The following DIP2C variants were observed in gnomAD, a reference collection of about 807,000 sequenced individuals.
DIP2C encodes the protein disco-interacting protein 2 homolog C.
DIP2C carries 33 observed loss-of-function variants against 192.4 expected under a neutral mutation model. The observed-to-expected ratio is 0.17, with a 90% CI of 0.13 to 0.23. The LOEUF (loss-of-function observed/expected upper bound fraction) is 0.23, where lower values mean the gene tolerates loss of function less well. DIP2C is among the 10% of genes least tolerant of loss of function. The probability of loss-of-function intolerance (pLI) is 1.00; values close to 1 mark genes in which losing one functional copy is unlikely to be tolerated. For synonymous variants in DIP2C, 979 were observed against 864.1 expected (o/e 1.13, Z -2.33); for missense variants, 1,537 against 2,110.1 (o/e 0.73, Z 5.32).
At chr10:497,038 G>A (rs1844885154) in intron 1 of DIP2C, among the ~76,000 whole-genome samples, 1 of 152,132 alleles carries the variant, frequency 6.6e-6, no homozygotes, top group Non-Finnish European at 1.5e-5. Flanking sequence ...GCAGAAGAAT[G>A]GCATGAACCC....
At chr10:401,446 G>T (rs180801528) in intron 9 of DIP2C, among the ~76,000 whole-genome samples, 30 of 117,564 alleles carry the variant, frequency 2.6e-4, no homozygotes, top group Non-Finnish European at 5.3e-5. Context: ...TAGCATTAGC[G>T]TTACTATTCC....
rs572227801 is a variant in DIP2C, at chr10:419,990, G to A, written c.605-791C>T. 6.5e-4 allele frequency among the ~76,000 whole-genome samples: 99 copies of A among 152,256 alleles called. 1 individual carries two copies. The highest frequency in any genetic ancestry group is 3.4e-3 in the Middle Eastern group (1 of 294). ...ATGTGCCAAGCAGCCCACTGATGAC[G>A]CCCGTCACACCCAGAATCTTGATGA... On this transcript the variant is annotated intron_variant, in intron 5 of 36. Transcript: ENST00000280886.
At chr10:578,045 CTTAGA>C (rs960406413) in intron 1 of DIP2C, among the ~76,000 whole-genome samples, 3 of 152,154 alleles carry the variant, frequency 2.0e-5, no homozygotes, top group African/African-American at 7.2e-5. Context: ...TAACTACAAT[CTTAGA>C]TTTGAGATTA....
chr10:523,072 C>T (rs1351081229), intron 1 of DIP2C, among the ~76,000 whole-genome samples: 4 of 152,132 alleles, frequency 2.6e-5, no homozygotes, highest in Non-Finnish European at 1.5e-5. Context: ...CCCACGCGCT[C>T]ATTTCCACCT....
At chr10:323,315 G>A (rs1280395544) in intron 31 of DIP2C, among the ~76,000 whole-genome samples, 15 of 112,104 alleles carry the variant, frequency 1.3e-4, no homozygotes, top group African/African-American at 3.9e-4. Flanking sequence ...GCGAGAGACC[G>A]GCGCTGTTAG....
intron 2 of DIP2C, among the ~76,000 whole-genome samples, chr10:475,273 A>G (rs142312540): frequency 6.6e-6 from 1 of 152,252 alleles, no homozygotes; most frequent in Non-Finnish European, 1.5e-5. Context: ...GGCTTTCTCC[A>G]TTTTGCTAAA....
intron 1 of DIP2C, among the ~76,000 whole-genome samples, chr10:505,234 A>C (rs564137979): frequency 1.3e-5 from 2 of 152,206 alleles, no homozygotes. Context: ...TCATCAACAC[A>C]GAGTCACTAA....
chr10:621,864 C>A (rs906341685), intron 1 of DIP2C, among the ~76,000 whole-genome samples: 1 of 152,100 alleles, frequency 6.6e-6, no homozygotes, highest in Non-Finnish European at 1.5e-5. Flanking sequence ...GGATGTCATT[C>A]GCTGATAAAC....
Position 536,487 on chromosome 10 carries a change from G to A in DIP2C, c.86-49957C>T, listed in dbSNP as rs191319811. Among the ~76,000 whole-genome samples, 276 of 152,292 alleles carry A rather than the reference G, an allele frequency of 1.8e-3. 2 individuals carry two copies. The highest frequency in any genetic ancestry group is 3.1e-3 in the Non-Finnish European group (210 of 68,006). On this transcript the variant is annotated intron_variant, in intron 1 of 36. Transcript: ENST00000280886. ...TCTGCAAAGACCCTGTTCCCCATAG[G>A]GACATCACAGTCCCAGGGGGGCCAG...
At chr10:629,110 A>G (rs1395732364) in intron 1 of DIP2C, among the ~76,000 whole-genome samples, 1 of 152,220 alleles carries the variant, frequency 6.6e-6, no homozygotes, top group East Asian at 1.9e-4. Flanking sequence ...TGGGTCTAAG[A>G]AAAAGAAAAT....
At chr10:633,340 C>T (rs943311803) in intron 1 of DIP2C, among the ~76,000 whole-genome samples, 25 of 152,214 alleles carry the variant, frequency 1.6e-4, no homozygotes, top group Non-Finnish European at 4.4e-5. Context: ...AGGGCAACAG[C>T]GTTCACATTC....
chr10:524,844 C>G (rs11252981), intron 1 of DIP2C, among the ~76,000 whole-genome samples: 5,224 of 151,890 alleles, frequency 0.034, 140 homozygotes, highest in Non-Finnish European at 0.051. Context: ...AGGACTTTCG[C>G]TATTTTAAAG....
chr10:553,609 T>A (rs1372328864), intron 1 of DIP2C, among the ~76,000 whole-genome samples: 1 of 152,250 alleles, frequency 6.6e-6, no homozygotes, highest in Admixed American at 6.5e-5. Flanking sequence ...CATTGAATAC[T>A]GTGGAATTAG....
chr10:547,798 C>T (rs1057126565), intron 1 of DIP2C, among the ~76,000 whole-genome samples: 1 of 152,142 alleles, frequency 6.6e-6, no homozygotes, highest in East Asian at 1.9e-4. Context: ...CCCCTCTCTG[C>T]AGGGGGATTT....
intron 1 of DIP2C, among the ~76,000 whole-genome samples, chr10:581,002 TCA>T (rs1458747385): frequency 7.2e-5 from 11 of 152,230 alleles, no homozygotes; most frequent in African/African-American, 2.7e-4. Flanking sequence ...ACAATTTGAC[TCA>T]CAGTATTCTG....
At chr10:596,493 T>A in intron 1 of DIP2C, among the ~76,000 whole-genome samples, 2 of 47,984 alleles carry the variant, frequency 4.2e-5, no homozygotes, top group South Asian at 1.2e-3. Context: ...CGAAACTCCA[T>A]CTCAAAAAAA....
At chr10:621,317 A>G (rs1853832589) in intron 1 of DIP2C, among the ~76,000 whole-genome samples, 1 of 150,384 alleles carries the variant, frequency 6.6e-6, no homozygotes, top group Non-Finnish European at 1.5e-5. Flanking sequence ...ACACCCACAC[A>G]CACCCCCAAG....
intron 1 of DIP2C, among the ~76,000 whole-genome samples, chr10:560,990 G>A (rs1421206139): frequency 6.6e-6 from 1 of 151,992 alleles, no homozygotes; most frequent in East Asian, 1.9e-4. Context: ...TCAACCAACT[G>A]TCAATCAGGA....
chr10:545,585 G>A (rs1250994316), intron 1 of DIP2C, among the ~76,000 whole-genome samples: 4 of 152,176 alleles, frequency 2.6e-5, no homozygotes, highest in African/African-American at 4.8e-5. Context: ...CCGGAGGATC[G>A]AACCCTGCCT....
Sources: gnomAD v4.1 joint callset for allele counts (sites outside exome capture counted in the v4.1 genomes callset) on GRCh38, gnomAD v4.1.1 for gene constraint, MANE v1.5 for transcripts, NCBI Gene and HGNC (gene_info 2026-07-23, HGNC 2026-07-21) for gene names.